The following USP36 variants were observed in gnomAD, a reference collection of about 807,000 sequenced individuals.
USP36 encodes ubiquitin carboxyl-terminal hydrolase 36.
In USP36, 59 loss-of-function variants were observed where a neutral mutation model predicts 111.5. The ratio of observed to expected loss-of-function variants is 0.53; its 90% CI spans 0.43 to 0.66. The LOEUF (loss-of-function observed/expected upper bound fraction) is 0.66, where lower values mean the gene tolerates loss of function less well. Among genes scored for constraint, USP36 ranks in the 30% least tolerant of loss-of-function variants. The pLI is 0.00. For missense variants in USP36, 1,488 were observed against 1,468.0 expected, an observed-to-expected ratio of 1.01 and a Z score of -0.22; for synonymous variants, 628 against 581.0, an observed-to-expected ratio of 1.08 and a Z score of -1.16.
At chr17:78,808,360 C>T (rs2093966863) in intron 13 of USP36, among the ~76,000 whole-genome samples, 1 of 152,146 alleles carries the variant, frequency 6.6e-6, no homozygotes, top group African/African-American at 2.4e-5. Context: ...AAGAGATCCT[C>T]CCACTTCAGC....
intron 14 of USP36, among the ~76,000 whole-genome samples, chr17:78,806,733 A>G (rs1314554418): frequency 1.3e-5 from 2 of 152,228 alleles, no homozygotes; most frequent in Non-Finnish European, 2.9e-5. Context: ...CATGAGTCAC[A>G]TGAGCATCAC....
intron 10 of USP36, among the ~76,000 whole-genome samples, chr17:78,816,855 A>G (rs1174045449): frequency 6.6e-6 from 1 of 152,200 alleles, no homozygotes; most frequent in African/African-American, 2.4e-5. Context: ...GAGTTTTGAC[A>G]AGTATATACT....
rs149597018 is a variant in USP36 at position 78,820,846 on chromosome 17, A to G, written c.828+145T>C. On this transcript the variant is annotated intron_variant, in intron 8 of 20. Transcript: ENST00000449938. ...CTCTAGAAAAAAACAGGTAAAGACA[A>G]TGGTCTGTACTGCAAGGCGGCAGGG... 2.3e-4 allele frequency: 187 copies of G among 824,850 alleles called. 1 individual carries two copies. The African/African-American group carries it at 2.7e-3, about 12-fold the overall frequency. 51.1% of individuals were successfully genotyped at this position (824,850 alleles called of 1,614,324 possible). A position where few individuals can be genotyped will look rare whatever the true frequency, so the allele number is the denominator to read the frequency against.
intron 1 of USP36, 89 bp from the exon 2 acceptor site, chr17:78,838,839 G>C (rs2277703): frequency 0.07 from 10,584 of 152,192 alleles, 1,028 homozygotes; most frequent in African/African-American, 0.22. Flanking sequence ...CGCGCACCGG[G>C]AACCCTCTAC....
rs187502986 is a variant in USP36, at chr17:78,819,875, G to A, written c.911+55C>T. 744 of 1,568,032 alleles carry A rather than the reference G, an allele frequency of 4.7e-4. 2 individuals are homozygous for A. In the African/African-American group the frequency reaches 8.5e-3, roughly 18 times the overall value. On this transcript the variant is annotated intron_variant, in intron 9 of 20. Coordinates refer to ENST00000449938, the MANE Select transcript of USP36 (RefSeq NM_001385174.1). ...GGTGGGCACAACACTGTCAGGTGAG[G>A]GGACTTATTTCCCGTCTGGTATCAG...
chr17:78,814,417 C>A lies in USP36; in HGVS notation c.1159G>T (p.Val387Leu). 6.2e-7 allele frequency: 1 copy of A among 1,614,056 alleles called. No individual in the cohort carries two copies. The highest frequency in any genetic ancestry group is 8.5e-7 in the Non-Finnish European group (1 of 1,179,986). ...CACTGACACAAGCCTCTCACCTTCA[C>A]GTAGCAGTAATAGTGCCCGGCATGG... is the stretch of plus-strand genomic sequence containing the variant. ...SCHAGHYYCY[V>L]KASNGQWYQM... The change falls in exon 11 of 21, where the codon GTG becomes TTG. Residue 387 changes from valine to leucine, a missense_variant. Val to Leu is a conservative substitution (Grantham distance 32). Coordinates refer to ENST00000449938, the MANE Select transcript of USP36 (RefSeq NM_001385174.1).
intron 10 of USP36, among the ~76,000 whole-genome samples, chr17:78,815,061 C>T (rs190343069): frequency 6.6e-5 from 10 of 151,878 alleles, no homozygotes; most frequent in Admixed American, 3.3e-4. Flanking sequence ...TGGCCAGGTG[C>T]GGTGGCTCAC....
rs1421247984 is a variant in USP36 at position 78,806,049 on chromosome 17, TTGTC to T, written c.2216+103_2216+106del. 3.2e-6 allele frequency: 5 copies of T among 1,573,170 alleles called. No homozygotes were observed. In the African/African-American group the frequency reaches 5.5e-5, roughly 17 times the overall value. On this transcript the variant is annotated intron_variant, in intron 15 of 20. Coordinates refer to ENST00000449938, the MANE Select transcript of USP36 (RefSeq NM_001385174.1). ...TGTACCTCCTGGCTGCCCCAATGCT[TTGTC>T]TGTCCTGTGAGGTTGGCGATTCGTC...
At chr17:78,840,526 C>G (rs1255259381) in intron 1 of USP36, 1 of 152,278 alleles carries the variant, frequency 6.6e-6, no homozygotes, top group African/African-American at 2.4e-5. Flanking sequence ...TCGGGAATAC[C>G]CGGGCTCTGG....
intron 7 of USP36, chr17:78,821,311 G>A (rs1438721787): frequency 5.5e-5 from 21 of 381,186 alleles, no homozygotes; most frequent in African/African-American, 8.7e-5. Flanking sequence ...CACCACGTGC[G>A]GTACTCTCCT....
Position 78,819,940 on chromosome 17 carries a change from T to C in USP36, c.901A>G (p.Met301Val). 6.2e-7 allele frequency: 1 copy of C among 1,614,058 alleles called. No homozygotes were observed. Among genetic ancestry groups the C allele is most frequent in the Non-Finnish European group, 8.5e-7 (1 of 1,179,974 alleles). The change falls in exon 9 of 21, where the codon ATG becomes GTG. Residue 301 changes from methionine to valine, a missense_variant. By Grantham distance (21) the Met-to-Val change is conservative. This residue lies in a region of USP36 where 196 missense variants were observed against 264.4 expected (regional missense o/e 0.74). Transcript: ENST00000449938. Reference sequence around the variant, plus strand: ...CAACGTGAAACTTACTTAGCACACATGTAGGCATTCTCTCCACTCAGGACA... The same window carrying C: ...CAACGTGAAACTTACTTAGCACACACGTAGGCATTCTCTCCACTCAGGACA... ...ADVLSGENAY[M>V]CAKCKKKVPA...
chr17:78,807,962 C>G (rs922512765), intron 13 of USP36, among the ~76,000 whole-genome samples: 6 of 152,164 alleles, frequency 3.9e-5, no homozygotes, highest in African/African-American at 1.4e-4. Context: ...CCTCAGCCTC[C>G]AGAAGTGTTG....
In USP36 at chr17:78,807,648, AAAG is replaced by A; in HGVS notation, c.1408-15_1408-13del. 6.6e-7 allele frequency: 1 copy of A among 1,515,302 alleles called. No homozygotes were observed. The highest frequency in any genetic ancestry group is 2.3e-5 in the Admixed American group (1 of 44,088). The allele number at this position is 1,515,302 out of a possible 1,614,324, so 93.9% of individuals were successfully genotyped here. ...CCAGAGTCTTGTCGCTAAGGAGACC[AAAG>A]CAGAAAACACAACTGAGGAAGCGAG... On this transcript the variant is annotated splice_polypyrimidine_tract_variant and intron_variant, in intron 13 of 20. Transcript: ENST00000449938.
Position 78,812,976 on chromosome 17 carries a change from C to A in USP36, c.1291G>T (p.Glu431Ter). The change falls in exon 13 of 21, where the codon GAG becomes TAG. Residue 431 changes from glutamate (E) to a stop codon, truncating the protein, a stop_gained. Coordinates refer to ENST00000449938, the MANE Select transcript of USP36 (RefSeq NM_001385174.1). LOFTEE classifies it high-confidence loss of function. Reference sequence around the variant, plus strand: ...GAGCCTGTCCTGGAGATGAGGCCCTCGGGACTTTTCTTAGAGCCTGGAATT... The same window carrying A: ...GAGCCTGTCCTGGAGATGAGGCCCTAGGGACTTTTCTTAGAGCCTGGAATT... Reference protein sequence around the residue: ...LRIPGSKKSPEGLISRTGSSS... With the variant: ...LRIPGSKKSP The A allele has an allele frequency of 1.2e-6, 2 of 1,613,958 alleles. No individual in the cohort carries two copies. Among genetic ancestry groups the A allele is most frequent in the Non-Finnish European group, 1.7e-6 (2 of 1,179,972 alleles).
At chr17:78,811,404 CAT>C (rs1263993415) in intron 13 of USP36, among the ~76,000 whole-genome samples, 2 of 152,160 alleles carry the variant, frequency 1.3e-5, no homozygotes, top group African/African-American at 4.8e-5. Flanking sequence ...TGCATATACA[CAT>C]ATTTCTATTT....
chr17:78,830,300 A>C (rs759663788), intron 4 of USP36, among the ~76,000 whole-genome samples: 1 of 152,222 alleles, frequency 6.6e-6, no homozygotes. Flanking sequence ...TCATTCAGCA[A>C]TGGCTTTACA....
At position 78,797,479 on chromosome 17, in the gene USP36, T is replaced by C. The variant is rs902607482; in HGVS notation, c.*421A>G. ...CAGCCCCGAGAAGCAAGGGATGGCT[T>C]GCCCAGAGCCACCAGCTATGCACCG... is the stretch of plus-strand genomic sequence containing the variant. On this transcript the variant is annotated 3_prime_UTR_variant, in exon 21 of 21. Coordinates refer to ENST00000449938, the MANE Select transcript of USP36 (RefSeq NM_001385174.1). 5 of 152,028 alleles carry C rather than the reference T, an allele frequency of 3.3e-5. No homozygotes were observed. Among genetic ancestry groups the C allele is most frequent in the Non-Finnish European group, 7.4e-5 (5 of 68,004 alleles). The allele number at this position is 152,028 out of a possible 1,614,324, so 9.4% of individuals were successfully genotyped here.
intron 3 of USP36, among the ~76,000 whole-genome samples, chr17:78,788,019 C>T (rs2093549836): frequency 6.6e-6 from 1 of 152,186 alleles, no homozygotes; most frequent in Non-Finnish European, 1.5e-5. Context: ...TGATTCCAGA[C>T]TCTGGTCTCT....
intron 10 of USP36, among the ~76,000 whole-genome samples, chr17:78,818,395 CAG>C: frequency 6.6e-6 from 1 of 152,146 alleles, no homozygotes; most frequent in Non-Finnish European, 1.5e-5. Context: ...CCCTGTCCTC[CAG>C]AGATTCAAAT....
Sources: allele counts gnomAD v4.1 joint callset (sites outside exome capture counted in the v4.1 genomes callset), GRCh38; gene constraint gnomAD v4.1.1; regional missense constraint gnomAD v4.1.1; transcripts MANE v1.5; gene names NCBI Gene and HGNC (gene_info 2026-07-23, HGNC 2026-07-21).